NALF1: variants seen among roughly 807,000 people sequenced by gnomAD.
NALF1 encodes the protein NALCN channel auxiliary factor 1.
NALF1 carries 3 observed loss-of-function variants against 48.4 expected under a neutral mutation model. The observed-to-expected ratio is 0.06, with a 90% CI of 0.03 to 0.16. The LOEUF (loss-of-function observed/expected upper bound fraction) is 0.16. NALF1 is among the 10% of genes least tolerant of loss of function. The pLI is 1.00. For missense variants in NALF1, 526 were observed against 571.5 expected (o/e 0.92, Z 0.81); for synonymous variants, 262 against 245.7 (o/e 1.07, Z -0.62).
rs547531704 is a variant in NALF1 at position 107,773,992 on chromosome 13, G to A, written c.915+91690C>T. Among the ~76,000 whole-genome samples, 5 of 147,294 alleles carry A rather than the reference G, an allele frequency of 3.4e-5. No homozygotes were observed. In the East Asian group the frequency reaches 1.0e-3, roughly 31 times the overall value. On this transcript the variant is annotated intron_variant, in intron 1 of 2. Coordinates refer to ENST00000375915, the MANE Select transcript of NALF1 (RefSeq NM_001080396.3). ...CTGCAGATAGATTTCCCCCTTAAAT[G>A]ATCAAGTATTTTAAACTATTAGTTA...
chr13:107,253,056 T>C (rs1173370448), intron 1 of NALF1, among the ~76,000 whole-genome samples: 3 of 152,230 alleles, frequency 2.0e-5, no homozygotes, highest in East Asian at 1.9e-4. Flanking sequence ...AGAAGTATTC[T>C]GTAAAATATT....
At chr13:107,521,150 G>A (rs555448582) in intron 1 of NALF1, among the ~76,000 whole-genome samples, 14 of 152,178 alleles carry the variant, frequency 9.2e-5, no homozygotes, top group African/African-American at 1.7e-4. Flanking sequence ...TTTAAACTGC[G>A]ATGTGATACT....
chr13:107,512,954 C>G (rs1050465267), intron 1 of NALF1, among the ~76,000 whole-genome samples: 2 of 152,150 alleles, frequency 1.3e-5, no homozygotes, highest in Admixed American at 1.3e-4. Flanking sequence ...AAATATTATA[C>G]CACATCTGTA....
At chr13:107,231,583 A>G (rs1369737883) in intron 1 of NALF1, among the ~76,000 whole-genome samples, 9 of 152,232 alleles carry the variant, frequency 5.9e-5, no homozygotes, top group African/African-American at 1.9e-4. Context: ...CATCTCTATG[A>G]ACCAACTACA....
rs1883188791 is a variant in NALF1 at position 107,368,378 on chromosome 13, C to G, written c.916-157623G>C. 2.7e-5 allele frequency among the ~76,000 whole-genome samples: 4 copies of G among 150,922 alleles called. No homozygotes were observed. In the South Asian group the frequency reaches 8.4e-4, roughly 32 times the overall value. ...GTTGCCCAGGCTGGAGTGCAATGGC[C>G]CAATCTCGGCTCACTAAAACCTCCT... On this transcript the variant is annotated intron_variant, in intron 1 of 2. Transcript: ENST00000375915.
At chr13:107,739,921 A>G (rs1225960633) in intron 1 of NALF1, among the ~76,000 whole-genome samples, 2 of 152,204 alleles carry the variant, frequency 1.3e-5, no homozygotes, top group South Asian at 2.1e-4. Flanking sequence ...CTGATGATCT[A>G]TCACTGTCTT....
intron 1 of NALF1, among the ~76,000 whole-genome samples, chr13:107,367,149 C>T (rs1566496968): frequency 6.6e-6 from 1 of 152,182 alleles, no homozygotes; most frequent in Non-Finnish European, 1.5e-5. Context: ...TATGTGCTTA[C>T]ACTTGGAAAA....
At chr13:107,272,122 T>C (rs1881190441) in intron 1 of NALF1, among the ~76,000 whole-genome samples, 1 of 151,770 alleles carries the variant, frequency 6.6e-6, no homozygotes, top group South Asian at 2.1e-4. Flanking sequence ...ATATAATATA[T>C]GCACACAAAT....
At chr13:107,832,906 A>G (rs1232580452) in intron 1 of NALF1, among the ~76,000 whole-genome samples, 4 of 152,126 alleles carry the variant, frequency 2.6e-5, no homozygotes, top group Admixed American at 1.3e-4. Context: ...TAGTTTCCCA[A>G]TGCCCTTGGA....
At chr13:107,569,621 C>T (rs1877926869) in intron 1 of NALF1, among the ~76,000 whole-genome samples, 1 of 152,172 alleles carries the variant, frequency 6.6e-6, no homozygotes, top group African/African-American at 2.4e-5. Context: ...GTTGGGGGTG[C>T]ACTGTATTGA....
chr13:107,859,000 A>G (rs962809792), intron 1 of NALF1, among the ~76,000 whole-genome samples: 1 of 152,204 alleles, frequency 6.6e-6, no homozygotes, highest in African/African-American at 2.4e-5. Context: ...TGACAGCTCC[A>G]TAAGAAAGAG....
chr13:107,366,262 A>G (rs1184982969), intron 1 of NALF1, among the ~76,000 whole-genome samples: 2 of 151,398 alleles, frequency 1.3e-5, no homozygotes, highest in African/African-American at 4.9e-5. Context: ...TCTTAATACA[A>G]AAAAAATAGG....
intron 1 of NALF1, among the ~76,000 whole-genome samples, chr13:107,862,477 C>A (rs1187275378): frequency 6.6e-6 from 1 of 152,014 alleles, no homozygotes; most frequent in Non-Finnish European, 1.5e-5. Context: ...GGGAAAATTT[C>A]TGCTGTAGTA....
intron 1 of NALF1, among the ~76,000 whole-genome samples, chr13:107,727,004 G>T (rs1237320016): frequency 2.0e-5 from 3 of 149,644 alleles, no homozygotes; most frequent in East Asian, 4.0e-4. Context: ...GAGAGACGGG[G>T]TTTCCCCATG....
chr13:107,716,477 C>T (rs547628655), intron 1 of NALF1, among the ~76,000 whole-genome samples: 2 of 152,304 alleles, frequency 1.3e-5, no homozygotes, highest in East Asian at 3.9e-4. Context: ...CATCCAGGGG[C>T]ACAGCTTGAT....
At chr13:107,351,622 T>C (rs1446520736) in intron 1 of NALF1, among the ~76,000 whole-genome samples, 1 of 152,212 alleles carries the variant, frequency 6.6e-6, no homozygotes, top group Non-Finnish European at 1.5e-5. Flanking sequence ...TGCAAATCTC[T>C]CCCTTTTTGC....
chr13:107,611,975 G>A (rs1433584064), intron 1 of NALF1, among the ~76,000 whole-genome samples: 1 of 142,766 alleles, frequency 7.0e-6, no homozygotes, highest in African/African-American at 2.6e-5. Context: ...GAAGAAAGAA[G>A]AGAAGAGAAG....
chr13:107,530,127 T>C (rs1318435057), intron 1 of NALF1, among the ~76,000 whole-genome samples: 1 of 152,046 alleles, frequency 6.6e-6, no homozygotes, highest in Non-Finnish European at 1.5e-5. Flanking sequence ...CTTTACCTTG[T>C]TCTCTCTCCA....
At chr13:107,538,007 A>G (rs959848702) in intron 1 of NALF1, among the ~76,000 whole-genome samples, 3 of 152,054 alleles carry the variant, frequency 2.0e-5, no homozygotes, top group African/African-American at 7.2e-5. Context: ...GTAAAGTGAC[A>G]CCCCATCTCA....
Sources: allele counts gnomAD v4.1 joint callset (sites outside exome capture counted in the v4.1 genomes callset), GRCh38; gene constraint gnomAD v4.1.1; transcripts MANE v1.5; gene names NCBI Gene and HGNC (gene_info 2026-07-23, HGNC 2026-07-21).